The following DCDC2 variants were observed in gnomAD, a reference collection of about 807,000 sequenced individuals.
DCDC2 encodes doublecortin domain containing 2.
Under a neutral mutation model 50.2 loss-of-function variants are expected in DCDC2, and 40 were observed. The ratio of observed to expected loss-of-function variants is 0.80; its 90% CI spans 0.62 to 1.04. DCDC2 has a LOEUF of 1.04. Among genes scored for constraint, DCDC2 ranks in the 50% least tolerant of loss-of-function variants. DCDC2 has a pLI of 0.00. For synonymous variants in DCDC2, 234 were observed against 210.6 expected (o/e 1.11, Z -0.96); for missense variants, 570 against 581.9 (o/e 0.98, Z 0.21).
At chr6:24,354,042 A>G (rs1167611170) in intron 1 of DCDC2, among the ~76,000 whole-genome samples, 1 of 152,196 alleles carries the variant, frequency 6.6e-6, no homozygotes, top group East Asian at 1.9e-4. Context: ...CAACTGGGAA[A>G]GGCTGAGAAA....
chr6:24,240,046 C>A (rs558723745), intron 7 of DCDC2, among the ~76,000 whole-genome samples: 19 of 152,258 alleles, frequency 1.2e-4, no homozygotes, highest in Non-Finnish European at 2.2e-4. Flanking sequence ...TAAGAGCCAA[C>A]AAGGAGGCAG....
chr6:24,329,939 C>T (rs553503645), intron 2 of DCDC2, among the ~76,000 whole-genome samples: 1 of 152,078 alleles, frequency 6.6e-6, no homozygotes, highest in Non-Finnish European at 1.5e-5. Flanking sequence ...TTTAAGAAAG[C>T]AAGTCTCTTA....
At position 24,352,293 on chromosome 6, in the gene DCDC2, G is replaced by A. The variant is rs76968809; in HGVS notation, c.348+1276C>T. 2.6e-5 allele frequency among the ~76,000 whole-genome samples: 4 copies of A among 152,192 alleles called. No individual in the cohort carries two copies. The East Asian group carries it at 7.7e-4, about 29-fold the overall frequency. On this transcript the variant is annotated intron_variant, in intron 2 of 9. Coordinates refer to ENST00000378454, the MANE Select transcript of DCDC2 (RefSeq NM_016356.5). Reference sequence around the variant, plus strand: ...AGGTTTCTTCACCAATTTCATGCAAGGTAGTATACTTTAAACAGGTGTGTA... The same window carrying A: ...AGGTTTCTTCACCAATTTCATGCAAAGTAGTATACTTTAAACAGGTGTGTA...
At chr6:24,266,844 A>G (rs1268090144) in intron 7 of DCDC2, among the ~76,000 whole-genome samples, 2 of 152,232 alleles carry the variant, frequency 1.3e-5, no homozygotes, top group Non-Finnish European at 2.9e-5. Flanking sequence ...TATCAAAGAG[A>G]TATCTGCACT....
At chr6:24,383,195 G>T in the DCDC2 span, among the ~76,000 whole-genome samples, 3 of 151,910 alleles carry the variant, frequency 2.0e-5, no homozygotes, top group African/African-American at 7.3e-5. Flanking sequence ...GCGTGGTGGC[G>T]CATGCCTGTA....
At chr6:24,195,701 G>A (rs548295012) in intron 8 of DCDC2, among the ~76,000 whole-genome samples, 34 of 152,290 alleles carry the variant, frequency 2.2e-4, no homozygotes, top group Admixed American at 1.0e-3. Flanking sequence ...TACACCAAAA[G>A]TGGTCCCAGA....
At chr6:24,261,225 T>G (rs1046694585) in intron 7 of DCDC2, among the ~76,000 whole-genome samples, 2 of 147,166 alleles carry the variant, frequency 1.4e-5, no homozygotes, top group Admixed American at 6.9e-5. Context: ...TTTTTGGTGT[T>G]CAACTACTCT....
At chr6:24,271,788 T>G in intron 7 of DCDC2, among the ~76,000 whole-genome samples, 1 of 152,186 alleles carries the variant, frequency 6.6e-6, no homozygotes, top group Non-Finnish European at 1.5e-5. Flanking sequence ...ACATAGAATT[T>G]TATGGGGCGC....
chr6:24,313,277 T>C (rs1759603880), intron 2 of DCDC2, among the ~76,000 whole-genome samples: 2 of 152,182 alleles, frequency 1.3e-5, no homozygotes, highest in Non-Finnish European at 2.9e-5. Context: ...CCTAATGCTA[T>C]GCTTAAGAGA....
At chr6:24,216,870 T>C (rs1448256008) in intron 7 of DCDC2, among the ~76,000 whole-genome samples, 1 of 152,266 alleles carries the variant, frequency 6.6e-6, no homozygotes, top group African/African-American at 2.4e-5. Flanking sequence ...ATTCTTGCTA[T>C]GCAGATATTT....
chr6:24,220,879 A>AGAGAGT (rs1554146330), intron 7 of DCDC2, among the ~76,000 whole-genome samples: 1 of 107,030 alleles, frequency 9.3e-6, no homozygotes, highest in African/African-American at 4.6e-5. Flanking sequence ...CAAGAGAGCG[A>AGAGAGT]GAGCGAGAGA....
intron 8 of DCDC2, among the ~76,000 whole-genome samples, chr6:24,182,069 C>G (rs950569659): frequency 6.6e-6 from 1 of 152,272 alleles, no homozygotes; most frequent in Middle Eastern, 3.4e-3. Flanking sequence ...AGGGAAAGGA[C>G]AGTCTTTCAA....
intron 7 of DCDC2, among the ~76,000 whole-genome samples, chr6:24,227,365 T>C (rs1762252536): frequency 6.6e-6 from 1 of 151,986 alleles, no homozygotes; most frequent in Non-Finnish European, 1.5e-5. Flanking sequence ...AAAAGAGAGA[T>C]GGGAGAACAG....
At chr6:24,267,186 G>A (rs919691970) in intron 7 of DCDC2, among the ~76,000 whole-genome samples, 7 of 152,234 alleles carry the variant, frequency 4.6e-5, no homozygotes, top group African/African-American at 9.6e-5. Context: ...GAGTGGAGAT[G>A]GTTAATGGGT....
At chr6:24,320,574 C>T (rs1240485923) in intron 2 of DCDC2, among the ~76,000 whole-genome samples, 1 of 152,098 alleles carries the variant, frequency 6.6e-6, no homozygotes, top group Non-Finnish European at 1.5e-5. Flanking sequence ...TCAAGTGATC[C>T]GTCCACCTTG....
At chr6:24,269,157 G>A (rs1763186214) in intron 7 of DCDC2, among the ~76,000 whole-genome samples, 1 of 152,174 alleles carries the variant, frequency 6.6e-6, no homozygotes, top group Non-Finnish European at 1.5e-5. Flanking sequence ...GAGTCCCAGG[G>A]TATCACATAA....
At chr6:24,366,189 C>T in the DCDC2 span, among the ~76,000 whole-genome samples, 3 of 152,248 alleles carry the variant, frequency 2.0e-5, no homozygotes, top group East Asian at 5.8e-4. Flanking sequence ...CTCCTAAAAC[C>T]AGAAACATTA....
the DCDC2 span, among the ~76,000 whole-genome samples, chr6:24,381,263 T>C: frequency 1.3e-5 from 2 of 152,138 alleles, no homozygotes; most frequent in African/African-American, 4.8e-5. Flanking sequence ...ATGTCTATTG[T>C]CTTAGCAAAT....
intron 8 of DCDC2, among the ~76,000 whole-genome samples, chr6:24,178,859 T>A (rs1228891651): frequency 6.6e-6 from 1 of 152,200 alleles, no homozygotes; most frequent in East Asian, 1.9e-4. Context: ...GAAATTGTTA[T>A]CATTCCCATT....
Sources: gnomAD v4.1 joint callset for allele counts (sites outside exome capture counted in the v4.1 genomes callset) on GRCh38, gnomAD v4.1.1 for gene constraint, MANE v1.5 for transcripts, NCBI Gene and HGNC (gene_info 2026-07-23, HGNC 2026-07-21) for gene names.